Variants in ASIC2 observed in about 807,000 individuals in gnomAD.
ASIC2 encodes the protein acid-sensing ion channel 2.
In ASIC2, 25 loss-of-function variants were observed where a neutral mutation model predicts 57.3. That is an observed-to-expected ratio of 0.44 (90% CI 0.32 to 0.61). The LOEUF (loss-of-function observed/expected upper bound fraction) is 0.61. ASIC2 is among the 20% of genes least tolerant of loss of function. The pLI is 0.06. For synonymous variants in ASIC2, 319 were observed against 307.5 expected (o/e 1.04, Z -0.39); for missense variants, 641 against 738.1 (o/e 0.87, Z 1.52).
chr17:33,032,801 A>G lies in ASIC2; in HGVS notation c.988-4409T>C, dbSNP rs376531212. 2.4e-4 allele frequency among the ~76,000 whole-genome samples: 37 copies of G among 152,368 alleles called. No homozygotes were observed. In the East Asian group the frequency reaches 6.5e-3, roughly 27 times the overall value. On this transcript the variant is annotated intron_variant, in intron 3 of 9. Coordinates refer to ENST00000225823, the MANE Select transcript of ASIC2 (RefSeq NM_183377.2). The stretch of plus-strand genomic sequence containing the variant: ...CAGCCAGTTGACTTTTAAGGAAGAA[A>G]GAAAGTTACGTTTTATATTTATCCA...
At chr17:33,643,451 C>T (rs1906646018) in intron 1 of ASIC2, among the ~76,000 whole-genome samples, 1 of 152,184 alleles carries the variant, frequency 6.6e-6, no homozygotes, top group African/African-American at 2.4e-5. Context: ...AGAGGGTCTT[C>T]AATTGTTATT....
At chr17:34,108,903 C>G (rs901094594) in intron 1 of ASIC2, among the ~76,000 whole-genome samples, 3 of 151,908 alleles carry the variant, frequency 2.0e-5, no homozygotes, top group Admixed American at 6.6e-5. Context: ...TACTCTTTAT[C>G]TTGAAATTTA....
intron 1 of ASIC2, among the ~76,000 whole-genome samples, chr17:33,319,221 C>T (rs953705288): frequency 1.3e-5 from 2 of 149,742 alleles, no homozygotes; most frequent in Non-Finnish European, 3.0e-5. Flanking sequence ...CAGAGCGAGA[C>T]TCCGTCTCAA....
At chr17:33,537,894 T>G (rs1686903205) in intron 1 of ASIC2, among the ~76,000 whole-genome samples, 1 of 152,162 alleles carries the variant, frequency 6.6e-6, no homozygotes. Flanking sequence ...CTAGATAGAT[T>G]TAGCCTAAAG....
At chr17:33,968,167 G>A (rs1597954024) in intron 1 of ASIC2, among the ~76,000 whole-genome samples, 2 of 152,188 alleles carry the variant, frequency 1.3e-5, no homozygotes, top group African/African-American at 4.8e-5. Flanking sequence ...TTGCCAGAGC[G>A]AGTGGCATTT....
At chr17:33,312,989 G>C (rs1906495701) in intron 1 of ASIC2, among the ~76,000 whole-genome samples, 1 of 152,130 alleles carries the variant, frequency 6.6e-6, no homozygotes, top group African/African-American at 2.4e-5. Flanking sequence ...TGGTGAACAA[G>C]AACCTAAGGT....
chr17:33,826,272 G>T (rs575534210), intron 1 of ASIC2, among the ~76,000 whole-genome samples: 9 of 152,344 alleles, frequency 5.9e-5, no homozygotes, highest in Admixed American at 5.2e-4. Context: ...CGTAAGCATA[G>T]TTCCTCTTAG....
chr17:33,400,835 G>A (rs1391164240), intron 1 of ASIC2, among the ~76,000 whole-genome samples: 2 of 152,008 alleles, frequency 1.3e-5, no homozygotes, highest in Admixed American at 1.3e-4. Flanking sequence ...ACCCCTGCCA[G>A]CCTCTCTATT....
intron 3 of ASIC2, among the ~76,000 whole-genome samples, chr17:33,060,011 G>GT (rs549982513): frequency 0.016 from 2,403 of 151,760 alleles, 51 homozygotes; most frequent in African/African-American, 0.053. Flanking sequence ...GGGGTTGTTT[G>GT]TTTTTTTTCT....
At chr17:33,959,979 T>A (rs1036596898) in intron 1 of ASIC2, among the ~76,000 whole-genome samples, 1 of 152,232 alleles carries the variant, frequency 6.6e-6, no homozygotes, top group Non-Finnish European at 1.5e-5. Context: ...CTACTCTTAG[T>A]CCATGGACTT....
intron 1 of ASIC2, chr17:33,834,185 A>G (rs890848884): frequency 6.6e-6 from 1 of 152,160 alleles, no homozygotes. Flanking sequence ...TGCTGTCAGT[A>G]TCAACTTCTG....
chr17:33,434,652 A>G (rs557987722), intron 1 of ASIC2, among the ~76,000 whole-genome samples: 2 of 152,368 alleles, frequency 1.3e-5, no homozygotes, highest in East Asian at 3.9e-4. Context: ...ATCGATATAC[A>G]AGAACTCAAG....
intron 1 of ASIC2, among the ~76,000 whole-genome samples, chr17:33,852,707 T>C (rs982805931): frequency 1.2e-4 from 19 of 152,328 alleles, no homozygotes; most frequent in African/African-American, 4.6e-4. Context: ...AGGACACTGT[T>C]TCTCCAAAGA....
intron 1 of ASIC2, 117 bp downstream of exon 1, chr17:33,291,291 T>C: frequency 1.4e-6 from 2 of 1,436,454 alleles, no homozygotes; most frequent in South Asian, 1.5e-5. Flanking sequence ...CTTGGCATCG[T>C]GGAGTGGTAA....
At chr17:33,059,457 G>C (rs1176872549) in intron 3 of ASIC2, among the ~76,000 whole-genome samples, 1 of 152,116 alleles carries the variant, frequency 6.6e-6, no homozygotes, top group East Asian at 1.9e-4. Context: ...ATGGTTTCCA[G>C]CTTCATCCAT....
At chr17:33,413,991 G>C (rs1402602396) in intron 1 of ASIC2, among the ~76,000 whole-genome samples, 7 of 152,266 alleles carry the variant, frequency 4.6e-5, no homozygotes, top group Admixed American at 4.6e-4. Flanking sequence ...AGTTGCCTAA[G>C]GAGCATCATT....
intron 1 of ASIC2, among the ~76,000 whole-genome samples, chr17:33,853,786 G>A (rs565310781): frequency 6.6e-6 from 1 of 152,142 alleles, no homozygotes; most frequent in Non-Finnish European, 1.5e-5. Flanking sequence ...TTCATTAAAC[G>A]CTGATTTGAT....
chr17:33,013,932 G>GT lies in ASIC2; in HGVS notation c.*32dup. The GT allele has an allele frequency of 2.6e-6, 4 of 1,512,672 alleles. No individual in the cohort carries two copies. Among genetic ancestry groups the GT allele is most frequent in the Non-Finnish European group, 3.6e-6 (4 of 1,108,666 alleles). The allele number at this position is 1,512,672 out of a possible 1,614,324, so 93.7% of individuals were successfully genotyped here. Reference sequence around the variant, plus strand: ...TCCTGGGTCTTGGGCCTCAAGGTCTGTTTGGAGGGAGTGCTGGGTGACTCG... The same window carrying GT: ...TCCTGGGTCTTGGGCCTCAAGGTCTGTTTTGGAGGGAGTGCTGGGTGACTCG... On this transcript the variant is annotated 3_prime_UTR_variant, in exon 10 of 10. Coordinates refer to ENST00000225823, the MANE Select transcript of ASIC2 (RefSeq NM_183377.2).
At chr17:33,148,725 A>T (rs527605162) in intron 1 of ASIC2, among the ~76,000 whole-genome samples, 1 of 152,282 alleles carries the variant, frequency 6.6e-6, no homozygotes, top group Admixed American at 6.5e-5. Flanking sequence ...ATTAGCTCAC[A>T]GTATTTTTTA....
Sources: gnomAD v4.1 joint callset for allele counts (sites outside exome capture counted in the v4.1 genomes callset) on GRCh38, gnomAD v4.1.1 for gene constraint, MANE v1.5 for transcripts, NCBI Gene and HGNC (gene_info 2026-07-23, HGNC 2026-07-21) for gene names.